SMOC2: variants seen among roughly 807,000 people sequenced by gnomAD.
The protein encoded by SMOC2 is SPARC related modular calcium binding 2.
Under a neutral mutation model 61.4 loss-of-function variants are expected in SMOC2, and 39 were observed. The observed-to-expected ratio is 0.64, with a 90% confidence interval of 0.49 to 0.83. The LOEUF (loss-of-function observed/expected upper bound fraction) is 0.83. Ranked by LOEUF, SMOC2 falls within the 40% of genes least tolerant of loss-of-function variation. The pLI, the probability that SMOC2 is intolerant of heterozygous loss-of-function variation, is 0.00. For missense variants in SMOC2, 556 were observed against 592.9 expected, an observed-to-expected ratio of 0.94 and a Z score of 0.65; for synonymous variants, 247 against 239.9, an observed-to-expected ratio of 1.03 and a Z score of -0.27.
chr6:168,497,518 A>AC (rs1360767101), intron 1 of SMOC2, among the ~76,000 whole-genome samples: 1 of 151,896 alleles, frequency 6.6e-6, no homozygotes, highest in African/African-American at 2.4e-5. Context: ...TCCTCCAGGG[A>AC]CCCTCCTGCC....
At chr6:168,660,051 T>TGAGTAAGGGTGGA (rs1554255900) in intron 11 of SMOC2, among the ~76,000 whole-genome samples, 52 of 149,262 alleles carry the variant, frequency 3.5e-4, no homozygotes, top group African/African-American at 4.7e-4. Context: ...GGTTGTAGGT[T>TGAGTAAGGGTGGA]GGCCTGAATA....
chr6:168,555,081 G>T (rs1176170428), intron 7 of SMOC2, among the ~76,000 whole-genome samples: 1 of 152,194 alleles, frequency 6.6e-6, no homozygotes, highest in East Asian at 1.9e-4. Flanking sequence ...AGCGCTCAGC[G>T]CTCGCCTGCA....
intron 1 of SMOC2, among the ~76,000 whole-genome samples, chr6:168,445,698 C>T (rs1378542807): frequency 6.6e-6 from 1 of 152,098 alleles, no homozygotes; most frequent in Non-Finnish European, 1.5e-5. Flanking sequence ...ACTGCATTCC[C>T]CAGTAGAAGA....
At chr6:168,610,425 G>A (rs1785829346) in intron 9 of SMOC2, among the ~76,000 whole-genome samples, 1 of 152,196 alleles carries the variant, frequency 6.6e-6, no homozygotes, top group South Asian at 2.1e-4. Flanking sequence ...AAACAAGTAG[G>A]TCTTAAAATA....
chr6:168,623,657 T>A (rs1446765307), intron 9 of SMOC2, among the ~76,000 whole-genome samples: 2 of 147,280 alleles, frequency 1.4e-5, no homozygotes, highest in African/African-American at 4.9e-5. Context: ...TTTTTATTTT[T>A]AATGAATCTG....
chr6:168,509,185 A>G (rs1002500749), intron 1 of SMOC2, among the ~76,000 whole-genome samples: 3 of 152,214 alleles, frequency 2.0e-5, no homozygotes, highest in Non-Finnish European at 2.9e-5. Flanking sequence ...GTAAAAGAGC[A>G]GGAGGGAGAT....
At chr6:168,573,729 C>T (rs536804947) in intron 7 of SMOC2, among the ~76,000 whole-genome samples, 1 of 151,844 alleles carries the variant, frequency 6.6e-6, no homozygotes, top group East Asian at 1.9e-4. Flanking sequence ...CCAGCAGGAC[C>T]CCGCCTCCCC....
At chr6:168,607,142 G>A (rs1336819262) in intron 8 of SMOC2, among the ~76,000 whole-genome samples, 1 of 152,076 alleles carries the variant, frequency 6.6e-6, no homozygotes, top group Non-Finnish European at 1.5e-5. Flanking sequence ...CTTGGTGAAA[G>A]CCACAGTGAA....
chr6:168,453,000 C>A lies in SMOC2; in HGVS notation c.84+11546C>A, dbSNP rs921657109. 7.9e-5 allele frequency among the ~76,000 whole-genome samples: 12 copies of A among 152,234 alleles called. No homozygotes were observed. The highest frequency in any genetic ancestry group is 1.6e-4 in the Non-Finnish European group (11 of 68,036). On this transcript the variant is annotated intron_variant, in intron 1 of 12. Coordinates refer to ENST00000356284, the MANE Select transcript of SMOC2 (RefSeq NM_001166412.2). This position sits in a 1 kb window ranked among gnomAD's most constrained non-coding sequence, Gnocchi z 5.0. Reference sequence around the variant, plus strand: ...GCAGGACGCCCTCCTCCCAGTGGCTCTGACAGCAGGGCCGGGGGCATAGTT... The same window carrying A: ...GCAGGACGCCCTCCTCCCAGTGGCTATGACAGCAGGGCCGGGGGCATAGTT...
intron 12 of SMOC2, among the ~76,000 whole-genome samples, chr6:168,666,202 A>G (rs1554256300): frequency 6.6e-6 from 1 of 152,176 alleles, no homozygotes; most frequent in Non-Finnish European, 1.5e-5. Context: ...TTGAAACGAT[A>G]TATTTTTCCC....
intron 9 of SMOC2, among the ~76,000 whole-genome samples, chr6:168,609,845 A>T (rs1462099376): frequency 6.6e-6 from 1 of 152,166 alleles, no homozygotes; most frequent in Non-Finnish European, 1.5e-5. Context: ...ACAAAGTTGC[A>T]TCACTTCTAA....
chr6:168,582,315 T>C (rs1784937097), intron 7 of SMOC2, among the ~76,000 whole-genome samples: 1 of 152,146 alleles, frequency 6.6e-6, no homozygotes, highest in Non-Finnish European at 1.5e-5. Context: ...TAACAGCAAT[T>C]ATAGCTGGAG....
intron 9 of SMOC2, among the ~76,000 whole-genome samples, chr6:168,645,443 C>T (rs1387241629): frequency 2.0e-5 from 3 of 152,174 alleles, no homozygotes; most frequent in Non-Finnish European, 4.4e-5. Flanking sequence ...CTGGAGTTAG[C>T]GAGTTAGCAC....
chr6:168,554,455 A>T lies in SMOC2; in HGVS notation c.637+5252A>T, dbSNP rs550493446. On this transcript the variant is annotated intron_variant, in intron 7 of 12. Transcript: ENST00000356284. ...CTGCAGGAACTTTTTTACACTTAGG[A>T]AGTTAGAAGCATTCTGCTGGGCTCC... Among the ~76,000 whole-genome samples, 11 of 152,228 alleles carry T rather than the reference A, an allele frequency of 7.2e-5. No homozygotes were observed. The East Asian group carries it at 1.4e-3, about 19-fold the overall frequency.
chr6:168,651,931 C>T (rs1486953964), intron 10 of SMOC2, among the ~76,000 whole-genome samples: 1 of 151,698 alleles, frequency 6.6e-6, no homozygotes, highest in Non-Finnish European at 1.5e-5. Flanking sequence ...ATCCCAGCTA[C>T]TCGGGAGGCT....
intron 4 of SMOC2, among the ~76,000 whole-genome samples, chr6:168,532,729 G>C (rs1783639470): frequency 6.6e-6 from 1 of 152,218 alleles, no homozygotes; most frequent in African/African-American, 2.4e-5. Flanking sequence ...TTACGTGTTT[G>C]AAGGAAGCTA....
chr6:168,478,137 G>A (rs773545829), intron 1 of SMOC2, among the ~76,000 whole-genome samples: 11 of 152,170 alleles, frequency 7.2e-5, no homozygotes, highest in Admixed American at 1.3e-4. Context: ...AATGCCAGCT[G>A]TGAGCTCATT....
intron 1 of SMOC2, among the ~76,000 whole-genome samples, chr6:168,473,621 C>T (rs779448657): frequency 4.6e-5 from 7 of 152,254 alleles, no homozygotes; most frequent in East Asian, 1.9e-4. Context: ...AGAAGACCAG[C>T]GACTCTGTCT....
intron 9 of SMOC2, among the ~76,000 whole-genome samples, chr6:168,649,043 C>T (rs1319240580): frequency 2.6e-5 from 4 of 152,186 alleles, no homozygotes; most frequent in Non-Finnish European, 4.4e-5. Flanking sequence ...CCTTTCCCCA[C>T]GGCACCCTCA....
Sources: gnomAD v4.1 joint callset for allele counts (sites outside exome capture counted in the v4.1 genomes callset) on GRCh38, gnomAD v4.1.1 for gene constraint, Gnocchi (gnomAD v3.1) non-coding constraint, MANE v1.5 for transcripts, NCBI Gene and HGNC (gene_info 2026-07-23, HGNC 2026-07-21) for gene names.